DNM3: variants seen among roughly 807,000 people sequenced by gnomAD.
DNM3 encodes the protein dynamin 3.
Under a neutral mutation model 101.6 loss-of-function variants are expected in DNM3, and 47 were observed. The ratio of observed to expected loss-of-function variants is 0.46; its 90% confidence interval spans 0.37 to 0.59. The LOEUF (loss-of-function observed/expected upper bound fraction) is 0.59. Ranked by LOEUF, DNM3 falls within the 20% of genes least tolerant of loss-of-function variation. The pLI is 0.00. For missense variants in DNM3, 849 were observed against 1,085.7 expected (o/e 0.78, Z 3.06); for synonymous variants, 385 against 387.9 (o/e 0.99, Z 0.09).
chr1:172,130,684 G>T (rs2056888471), intron 13 of DNM3, among the ~76,000 whole-genome samples: 2 of 152,032 alleles, frequency 1.3e-5, no homozygotes, highest in Middle Eastern at 3.4e-3. Flanking sequence ...GACTAACAAG[G>T]GGCTAACTGA....
chr1:172,260,385 T>C (rs2062592414), intron 15 of DNM3, among the ~76,000 whole-genome samples: 1 of 152,154 alleles, frequency 6.6e-6, no homozygotes, highest in Non-Finnish European at 1.5e-5. Flanking sequence ...TTGAAGTTTT[T>C]AACCTATTAT....
At chr1:172,020,783 C>T (rs2125748807) in intron 4 of DNM3, among the ~76,000 whole-genome samples, 1 of 150,488 alleles carries the variant, frequency 6.6e-6, no homozygotes, top group South Asian at 2.1e-4. Flanking sequence ...TGATCACTTT[C>T]CTCCTTTCCC....
chr1:172,401,460 A>G (rs961110427), intron 20 of DNM3, among the ~76,000 whole-genome samples: 1 of 152,234 alleles, frequency 6.6e-6, no homozygotes, highest in African/African-American at 2.4e-5. Flanking sequence ...GCTAATTTAT[A>G]CAGGATATTA....
At chr1:171,851,509 G>A (rs2032961120) in intron 1 of DNM3, among the ~76,000 whole-genome samples, 1 of 152,154 alleles carries the variant, frequency 6.6e-6, no homozygotes, top group Non-Finnish European at 1.5e-5. Flanking sequence ...TGCCTCCCAG[G>A]TGCAAGCAAT....
At chr1:171,889,176 G>T (rs1250741903) in intron 1 of DNM3, among the ~76,000 whole-genome samples, 2 of 152,014 alleles carry the variant, frequency 1.3e-5, no homozygotes, top group Non-Finnish European at 2.9e-5. Context: ...ACAGGGTCTT[G>T]CTATGTTGCC....
intron 1 of DNM3, among the ~76,000 whole-genome samples, chr1:171,856,437 A>G (rs2033619349): frequency 1.3e-5 from 2 of 152,114 alleles, no homozygotes; most frequent in South Asian, 2.1e-4. Context: ...GATAGGAATA[A>G]TATTGAATCT....
intron 4 of DNM3, among the ~76,000 whole-genome samples, chr1:172,020,950 A>G (rs6663656): frequency 2.6e-3 from 397 of 152,264 alleles, no homozygotes; most frequent in Middle Eastern, 0.02. Context: ...ATTGTTTTCC[A>G]TGGAGGTTTC....
chr1:172,388,545 G>C, intron 19 of DNM3, 28 bp from the exon 20 acceptor site: 1 of 1,585,042 alleles, frequency 6.3e-7, no homozygotes, highest in African/African-American at 1.3e-5. Flanking sequence ...GGAGGAGTGA[G>C]CAAACTATGA....
chr1:171,983,209 C>T (rs530029658), intron 2 of DNM3, among the ~76,000 whole-genome samples: 17 of 152,196 alleles, frequency 1.1e-4, no homozygotes, highest in African/African-American at 4.1e-4. Context: ...AATCCCAGCA[C>T]TTTCAGAAGC....
chr1:172,289,532 C>T (rs1483684917), intron 15 of DNM3: 1 of 932,150 alleles, frequency 1.1e-6, no homozygotes, highest in African/African-American at 1.8e-5. Flanking sequence ...AGAGAAGAAA[C>T]TCCTAAATGT....
In DNM3 at chr1:172,130,583, T is replaced by C. The variant is rs560337884; in HGVS notation, c.1546-592T>C. Among the ~76,000 whole-genome samples, 52 of 152,340 alleles carry C rather than the reference T, an allele frequency of 3.4e-4. 2 individuals carry two copies. In the South Asian group the frequency reaches 0.01, roughly 30 times the overall value. On this transcript the variant is annotated intron_variant, in intron 13 of 20. Transcript: ENST00000627582. The stretch of plus-strand genomic sequence containing the variant: ...ATAGGTTTAAAATTTTACAATATGC[T>C]GTTCAAATTATAAATTAAGACTATT...
chr1:171,854,356 A>G (rs2033340859), intron 1 of DNM3, among the ~76,000 whole-genome samples: 1 of 152,130 alleles, frequency 6.6e-6, no homozygotes, highest in Non-Finnish European at 1.5e-5. Flanking sequence ...AATACATGTA[A>G]AACACTTAGG....
intron 10 of DNM3, among the ~76,000 whole-genome samples, chr1:172,061,740 C>G (rs1211739099): frequency 2.0e-5 from 3 of 150,564 alleles, no homozygotes; most frequent in Non-Finnish European, 4.4e-5. Flanking sequence ...GGAGATATAC[C>G]TAATGCTAGA....
intron 14 of DNM3, among the ~76,000 whole-genome samples, chr1:172,158,294 G>T (rs1366010857): frequency 5.3e-5 from 8 of 152,032 alleles, no homozygotes; most frequent in African/African-American, 1.9e-4. Context: ...ACCTGCTTAA[G>T]ATCTGAGTGG....
intron 13 of DNM3, among the ~76,000 whole-genome samples, chr1:172,094,884 A>C (rs1380304235): frequency 1.3e-5 from 2 of 152,232 alleles, no homozygotes; most frequent in Non-Finnish European, 2.9e-5. Flanking sequence ...TCACAGTCAG[A>C]AGCATCGCTT....
At chr1:172,039,498 C>G (rs1184140752) in intron 7 of DNM3, among the ~76,000 whole-genome samples, 3 of 145,864 alleles carry the variant, frequency 2.1e-5, no homozygotes, top group Non-Finnish European at 4.5e-5. Context: ...CTAATTTATT[C>G]TTTCTTTTCG....
intron 14 of DNM3, among the ~76,000 whole-genome samples, chr1:172,148,839 G>A (rs1488477540): frequency 1.3e-5 from 2 of 151,896 alleles, no homozygotes; most frequent in Non-Finnish European, 2.9e-5. Context: ...TTTTGTTAGG[G>A]CTCAAAGGAA....
intron 2 of DNM3, among the ~76,000 whole-genome samples, chr1:171,949,373 G>A (rs1243931226): frequency 6.6e-6 from 1 of 152,174 alleles, no homozygotes; most frequent in African/African-American, 2.4e-5. Context: ...AACATCAGTA[G>A]TCTTGAGGGA....
intron 17 of DNM3, among the ~76,000 whole-genome samples, chr1:172,331,478 A>G (rs930689796): frequency 6.6e-6 from 1 of 152,172 alleles, no homozygotes; most frequent in Non-Finnish European, 1.5e-5. Flanking sequence ...TGAAATACCA[A>G]GATCAGAATT....
Sources: gnomAD v4.1 joint callset for allele counts (sites outside exome capture counted in the v4.1 genomes callset) on GRCh38, gnomAD v4.1.1 for gene constraint, MANE v1.5 for transcripts, NCBI Gene and HGNC (gene_info 2026-07-23, HGNC 2026-07-21) for gene names.